The following ST8SIA6 variants were observed in gnomAD, a reference collection of about 807,000 sequenced individuals.
ST8SIA6 encodes ST8 alpha-N-acetyl-neuraminide alpha-2,8-sialyltransferase 6, also known as alpha-2,8-sialyltransferase 8F.
A neutral mutation model predicts 33.6 loss-of-function variants in ST8SIA6; 39 were observed. The observed-to-expected ratio is 1.16, with a 90% CI of 0.90 to 1.52. The LOEUF (loss-of-function observed/expected upper bound fraction) is 1.52. Ranked by LOEUF, ST8SIA6 falls within the 40% of genes most tolerant of loss-of-function variation. The pLI, the probability that ST8SIA6 is intolerant of heterozygous loss-of-function variation, is 0.00. For missense variants in ST8SIA6, 441 were observed against 443.8 expected, an observed-to-expected ratio of 0.99 and a Z score of 0.06; for synonymous variants, 172 against 167.2, an observed-to-expected ratio of 1.03 and a Z score of -0.22.
At chr10:17,406,427 T>C (rs1236025077) in intron 2 of ST8SIA6, among the ~76,000 whole-genome samples, 2 of 152,226 alleles carry the variant, frequency 1.3e-5, no homozygotes, top group Admixed American at 6.5e-5. Flanking sequence ...TGAGCTGTAT[T>C]GTTCTTTGTC....
At chr10:17,412,784 A>G (rs1851494270) in intron 2 of ST8SIA6, among the ~76,000 whole-genome samples, 1 of 152,100 alleles carries the variant, frequency 6.6e-6, no homozygotes, top group African/African-American at 2.4e-5. Flanking sequence ...TCAGCAGGGT[A>G]ATTATAGTTT....
intron 2 of ST8SIA6, chr10:17,409,908 T>G (rs1254702778): frequency 1.3e-5 from 2 of 151,688 alleles, no homozygotes; most frequent in East Asian, 3.9e-4. Context: ...AACCATAGAG[T>G]GATTTCTGGC....
chr10:17,331,189 T>G (rs1265270278), intron 5 of ST8SIA6, among the ~76,000 whole-genome samples: 5 of 152,158 alleles, frequency 3.3e-5, no homozygotes, highest in Admixed American at 3.3e-4. Flanking sequence ...AAGACAGGAC[T>G]GGAAGAGCTT....
chr10:17,357,930 A>G (rs1849251949), intron 4 of ST8SIA6, among the ~76,000 whole-genome samples: 1 of 152,156 alleles, frequency 6.6e-6, no homozygotes, highest in African/African-American at 2.4e-5. Context: ...AGACTCTGTT[A>G]TCACTTGTTG....
chr10:17,418,369 TAAG>T (rs1208373465), intron 2 of ST8SIA6, among the ~76,000 whole-genome samples: 1 of 152,198 alleles, frequency 6.6e-6, no homozygotes, highest in African/African-American at 2.4e-5. Context: ...TTATGTACTT[TAAG>T]AAGAAGGAAA....
intron 2 of ST8SIA6, among the ~76,000 whole-genome samples, chr10:17,426,311 T>C (rs1851936491): frequency 6.6e-6 from 1 of 152,184 alleles, no homozygotes; most frequent in African/African-American, 2.4e-5. Context: ...GAATCTCCCT[T>C]TACCAATGGG....
chr10:17,362,910 C>T (rs147042248), intron 3 of ST8SIA6, among the ~76,000 whole-genome samples: 131 of 152,118 alleles, frequency 8.6e-4, no homozygotes, highest in Middle Eastern at 3.4e-3. Context: ...CGAGGTTTCA[C>T]CATGTTGGTC....
intron 2 of ST8SIA6, among the ~76,000 whole-genome samples, chr10:17,433,967 G>A (rs1356965035): frequency 1.3e-5 from 2 of 152,034 alleles, no homozygotes; most frequent in Non-Finnish European, 2.9e-5. Flanking sequence ...TTTAGATGTG[G>A]TGCAAATGTC....
intron 2 of ST8SIA6, among the ~76,000 whole-genome samples, chr10:17,404,483 C>T (rs1356362506): frequency 6.6e-6 from 1 of 152,104 alleles, no homozygotes; most frequent in Non-Finnish European, 1.5e-5. Flanking sequence ...TTCAACAAGC[C>T]CTCATCCTTG....
At chr10:17,390,491 T>G in intron 3 of ST8SIA6, 40 bp downstream of exon 3, 5 of 1,512,338 alleles carry the variant, frequency 3.3e-6, no homozygotes, top group Non-Finnish European at 4.6e-6. Context: ...AATAAAACCC[T>G]TGTTGTAAAA....
At chr10:17,410,803 TTAAC>T (rs1851423023) in intron 2 of ST8SIA6, among the ~76,000 whole-genome samples, 1 of 152,240 alleles carries the variant, frequency 6.6e-6, no homozygotes. Context: ...TAAGATTTAA[TTAAC>T]TAGAAAAACT....
chr10:17,440,553 G>A (rs1464381329), intron 2 of ST8SIA6, among the ~76,000 whole-genome samples: 1 of 152,114 alleles, frequency 6.6e-6, no homozygotes, highest in Non-Finnish European at 1.5e-5. Flanking sequence ...TTTGCCTCAA[G>A]GTCTTAGGGC....
chr10:17,377,727 T>C (rs997723465), intron 3 of ST8SIA6, among the ~76,000 whole-genome samples: 4 of 152,238 alleles, frequency 2.6e-5, no homozygotes, highest in African/African-American at 9.6e-5. Flanking sequence ...TTCTAAATCC[T>C]ATTTTAGCAA....
At chr10:17,429,192 C>T (rs766456779) in intron 2 of ST8SIA6, among the ~76,000 whole-genome samples, 5 of 151,818 alleles carry the variant, frequency 3.3e-5, no homozygotes, top group Non-Finnish European at 7.4e-5. Context: ...AATTTATGAT[C>T]GCTTATTCAT....
Position 17,331,082 on chromosome 10 carries a change from G to A in ST8SIA6, c.522+326C>T, listed in dbSNP as rs187903858. On this transcript the variant is annotated intron_variant, in intron 5 of 7. Transcript: ENST00000377602. ...TAGTCACCATAACTGACAATTGGAAGAATCTTATTTGAGATGAAAAATGGC... is the reference window on the plus strand; with the variant it reads ...TAGTCACCATAACTGACAATTGGAAAAATCTTATTTGAGATGAAAAATGGC... Among the ~76,000 whole-genome samples, 178 of 152,256 alleles carry A rather than the reference G, an allele frequency of 1.2e-3. 1 individual carries two copies. The highest frequency in any genetic ancestry group is 1.2e-3 in the East Asian group (6 of 5,184).
At chr10:17,401,769 C>G (rs1054009041) in intron 2 of ST8SIA6, among the ~76,000 whole-genome samples, 1 of 152,104 alleles carries the variant, frequency 6.6e-6, no homozygotes, top group African/African-American at 2.4e-5. Flanking sequence ...ACACCTTGTA[C>G]AAAAATTAAT....
In ST8SIA6 at chr10:17,322,645, T is replaced by C. The variant is rs570066159; in HGVS notation, c.728+420A>G. Among the ~76,000 whole-genome samples, 9 of 152,320 alleles carry C rather than the reference T, an allele frequency of 5.9e-5. No homozygotes were observed. In the South Asian group the frequency reaches 1.7e-3, roughly 28 times the overall value. On this transcript the variant is annotated intron_variant, in intron 7 of 7. Transcript: ENST00000377602. ...GAAATGAAAGATGGTAATTATTGTT[T>C]AGTAATAAACTCTAACTTGATAACT...
chr10:17,412,213 A>G (rs578113692), intron 2 of ST8SIA6, among the ~76,000 whole-genome samples: 4 of 152,152 alleles, frequency 2.6e-5, no homozygotes, highest in Admixed American at 1.3e-4. Flanking sequence ...GTTTCTTAGG[A>G]CAATGCCTGC....
At chr10:17,396,623 C>G (rs1032716936) in intron 2 of ST8SIA6, among the ~76,000 whole-genome samples, 1 of 152,190 alleles carries the variant, frequency 6.6e-6, no homozygotes, top group African/African-American at 2.4e-5. Flanking sequence ...ACATCCCTCT[C>G]TATCTCCTCT....
Sources: gnomAD v4.1 joint callset for allele counts (sites outside exome capture counted in the v4.1 genomes callset) on GRCh38, gnomAD v4.1.1 for gene constraint, MANE v1.5 for transcripts, NCBI Gene and HGNC (gene_info 2026-07-23, HGNC 2026-07-21) for gene names.